The following DTD1 variants were observed in gnomAD, a reference collection of about 807,000 sequenced individuals.
The protein encoded by DTD1 is D-aminoacyl-tRNA deacylase 1.
A neutral mutation model predicts 25.6 loss-of-function variants in DTD1; 13 were observed. The ratio of observed to expected loss-of-function variants is 0.51; its 90% CI spans 0.33 to 0.81. DTD1 has a LOEUF of 0.81. DTD1 is among the 30% of genes least tolerant of loss of function. The pLI is 0.02. For missense variants in DTD1, 193 were observed against 266.4 expected (o/e 0.72, Z 1.92); for synonymous variants, 110 against 103.6 (o/e 1.06, Z -0.37).
chr20:18,721,633 G>A (rs2061203924), intron 4 of DTD1, among the ~76,000 whole-genome samples: 2 of 152,152 alleles, frequency 1.3e-5, no homozygotes, highest in Admixed American at 6.5e-5. Flanking sequence ...TGATTAGAAC[G>A]ATCTGTTCTT....
At chr20:18,639,360 T>C (rs538310785) in intron 4 of DTD1, among the ~76,000 whole-genome samples, 3 of 152,294 alleles carry the variant, frequency 2.0e-5, no homozygotes, top group East Asian at 1.9e-4. Context: ...TGTATACTAT[T>C]GTAGCTAATA....
chr20:18,713,625 G>C (rs537541573), intron 4 of DTD1, among the ~76,000 whole-genome samples: 2 of 152,144 alleles, frequency 1.3e-5, no homozygotes, highest in Non-Finnish European at 2.9e-5. Context: ...CGTATCCTCC[G>C]TTCCTCCTTT....
chr20:18,698,082 G>T (rs762706619), intron 4 of DTD1, among the ~76,000 whole-genome samples: 2 of 152,200 alleles, frequency 1.3e-5, no homozygotes, highest in Non-Finnish European at 2.9e-5. Flanking sequence ...AAATGGGTAT[G>T]AACACCTTTG....
intron 4 of DTD1, among the ~76,000 whole-genome samples, chr20:18,665,013 G>T (rs571380208): frequency 2.7e-4 from 41 of 152,298 alleles, no homozygotes; most frequent in Middle Eastern, 3.4e-3. Context: ...GCCACTTGGA[G>T]GATGGAAAGT....
chr20:18,686,593 T>C (rs543805961), intron 4 of DTD1, among the ~76,000 whole-genome samples: 31 of 152,226 alleles, frequency 2.0e-4, no homozygotes, highest in Non-Finnish European at 3.7e-4. Flanking sequence ...AGCTGGAATT[T>C]ACATGTCATT....
chr20:18,662,996 A>C (rs2060917301), intron 4 of DTD1, among the ~76,000 whole-genome samples: 1 of 152,120 alleles, frequency 6.6e-6, no homozygotes, highest in African/African-American at 2.4e-5. Flanking sequence ...TGGGGTTGTG[A>C]CTGGGGCAGG....
chr20:18,652,943 G>A (rs1433151058), intron 4 of DTD1, among the ~76,000 whole-genome samples: 1 of 152,214 alleles, frequency 6.6e-6, no homozygotes, highest in Non-Finnish European at 1.5e-5. Flanking sequence ...CTGGGGAATA[G>A]AGGAGAGAGT....
chr20:18,705,533 C>T (rs1047117316), intron 4 of DTD1, among the ~76,000 whole-genome samples: 3 of 152,182 alleles, frequency 2.0e-5, no homozygotes, highest in African/African-American at 7.2e-5. Context: ...GGTTCAGGTA[C>T]CATGGTAGCT....
At chr20:18,615,613 G>A (rs2060706214) in intron 3 of DTD1, among the ~76,000 whole-genome samples, 1 of 152,214 alleles carries the variant, frequency 6.6e-6, no homozygotes, top group Admixed American at 6.5e-5. Flanking sequence ...GGCAACCTTT[G>A]CTCTCAAGCT....
intron 4 of DTD1, among the ~76,000 whole-genome samples, chr20:18,644,739 G>A (rs2060844229): frequency 6.6e-6 from 1 of 152,104 alleles, no homozygotes. Context: ...GTCTATTTCA[G>A]TACCCAGGAT....
intron 3 of DTD1, among the ~76,000 whole-genome samples, chr20:18,625,191 T>C (rs1431397815): frequency 6.6e-6 from 1 of 152,220 alleles, no homozygotes; most frequent in Non-Finnish European, 1.5e-5. Context: ...CAGGTCTGCC[T>C]TTCCACTTCC....
intron 4 of DTD1, among the ~76,000 whole-genome samples, chr20:18,729,556 G>T (rs904768695): frequency 1.3e-5 from 2 of 152,182 alleles, no homozygotes; most frequent in Non-Finnish European, 2.9e-5. Flanking sequence ...ATCAATAGTG[G>T]TTTTATTCCT....
chr20:18,749,130 G>A lies in DTD1; in HGVS notation c.*19+4859G>A, dbSNP rs1951685366. Among the ~76,000 whole-genome samples the A allele has an allele frequency of 6.6e-6, 1 of 152,310 alleles. No homozygotes were observed. The highest frequency in any genetic ancestry group is 6.5e-5 in the Admixed American group (1 of 15,306). On this transcript the variant is annotated intron_variant, in intron 5 of 5. Coordinates refer to ENST00000377452, the MANE Select transcript of DTD1 (RefSeq NM_080820.6). The surrounding 1 kb of genome is among the most constrained non-coding windows in gnomAD (Gnocchi z 4.2). The stretch of plus-strand genomic sequence containing the variant: ...ATGGAGGGGAAGCTGAAGGCCCCTG[G>A]CATGTTCTGGCTGTGCTCCAGGCTG...
At position 18,766,207 on chromosome 20, in the gene DTD1, A is replaced by G. The variant is rs1276175596; in HGVS notation, c.*2867A>G. On this transcript the variant is annotated 3_prime_UTR_variant, in exon 6 of 6. Transcript: ENST00000377452. ...TCATTGATTTGATCATAAGGAACAA[A>G]TAGTTCCGCAAACACCCTATTTCCT... The G allele has an allele frequency of 6.6e-6, 1 of 152,234 alleles. No individual in the cohort carries two copies. Among genetic ancestry groups the G allele is most frequent in the East Asian group, 1.9e-4 (1 of 5,198 alleles). The allele number at this position is 152,234 out of a possible 1,614,324, so 9.4% of individuals were successfully genotyped here.
chr20:18,642,623 C>T (rs560690196), intron 4 of DTD1, among the ~76,000 whole-genome samples: 2 of 152,228 alleles, frequency 1.3e-5, no homozygotes, highest in Admixed American at 6.5e-5. Flanking sequence ...GAAGGATCGA[C>T]TCCCAGGAAG....
intron 4 of DTD1, among the ~76,000 whole-genome samples, chr20:18,739,010 A>G (rs2061267323): frequency 6.6e-6 from 1 of 152,146 alleles, no homozygotes; most frequent in Non-Finnish European, 1.5e-5. Flanking sequence ...CTCAGGCCTT[A>G]GGTGGAGCTT....
intron 2 of DTD1, among the ~76,000 whole-genome samples, chr20:18,595,089 T>C (rs2060604896): frequency 6.6e-6 from 1 of 152,346 alleles, no homozygotes; most frequent in South Asian, 2.1e-4. Context: ...TCTGACCCTA[T>C]AGATGTCACC....
chr20:18,643,097 T>C (rs993141649), intron 4 of DTD1: 1 of 165,296 alleles, frequency 6.0e-6, no homozygotes, highest in Non-Finnish European at 1.3e-5. Context: ...GTATTTTTAG[T>C]AGAGATGGGG....
chr20:18,626,655 ATC>A (rs2060760122), intron 3 of DTD1, among the ~76,000 whole-genome samples: 1 of 152,000 alleles, frequency 6.6e-6, no homozygotes, highest in Non-Finnish European at 1.5e-5. Flanking sequence ...TTACCCTTTG[ATC>A]TGGACTGGAA....
Sources: gnomAD v4.1 joint callset for allele counts (sites outside exome capture counted in the v4.1 genomes callset) on GRCh38, gnomAD v4.1.1 for gene constraint, Gnocchi (gnomAD v3.1) non-coding constraint, MANE v1.5 for transcripts, NCBI Gene and HGNC (gene_info 2026-07-23, HGNC 2026-07-21) for gene names.